The following NLGN1 variants were observed in gnomAD, a reference collection of about 807,000 sequenced individuals.
NLGN1 encodes neuroligin-1.
A neutral mutation model predicts 65.5 loss-of-function variants in NLGN1; 12 were observed. The ratio of observed to expected loss-of-function variants is 0.18; its 90% CI spans 0.12 to 0.30. The LOEUF is 0.30. Ranked by LOEUF, NLGN1 falls within the 10% of genes least tolerant of loss-of-function variation. The pLI, the probability that NLGN1 is intolerant of heterozygous loss-of-function variation, is 1.00. For missense variants in NLGN1, 750 were observed against 1,007.1 expected (o/e 0.74, Z 3.46); for synonymous variants, 350 against 359.5 (o/e 0.97, Z 0.30).
intron 4 of NLGN1, among the ~76,000 whole-genome samples, chr3:174,183,720 A>G (rs1730867767): frequency 1.3e-5 from 2 of 152,176 alleles, no homozygotes; most frequent in South Asian, 4.1e-4. Flanking sequence ...CATAATTTAA[A>G]CTGCCCTAAA....
intron 3 of NLGN1, among the ~76,000 whole-genome samples, chr3:173,710,466 C>G (rs1467215091): frequency 2.0e-5 from 3 of 152,044 alleles, no homozygotes; most frequent in African/African-American, 7.2e-5. Flanking sequence ...GTTTTAAATG[C>G]AACGTTTCTG....
chr3:173,767,236 A>G (rs1440106999), intron 3 of NLGN1, among the ~76,000 whole-genome samples: 1 of 152,134 alleles, frequency 6.6e-6, no homozygotes, highest in Non-Finnish European at 1.5e-5. Flanking sequence ...CAATGCTTTA[A>G]GTCTGAAGGG....
intron 2 of NLGN1, among the ~76,000 whole-genome samples, chr3:173,517,794 C>CTATCTATT (rs1553874126): frequency 0.014 from 2,138 of 151,592 alleles, 13 homozygotes; most frequent in Non-Finnish European, 0.018. Context: ...ATCTATCTAT[C>CTATCTATT]TATCTATCAT....
At chr3:173,891,497 C>A (rs1408943027) in intron 4 of NLGN1, among the ~76,000 whole-genome samples, 5 of 152,188 alleles carry the variant, frequency 3.3e-5, no homozygotes, top group African/African-American at 1.2e-4. Context: ...ATGCCCTTTG[C>A]CCAGTCTACC....
At chr3:173,673,070 A>G (rs1762664703) in intron 3 of NLGN1, among the ~76,000 whole-genome samples, 1 of 152,196 alleles carries the variant, frequency 6.6e-6, no homozygotes, top group Admixed American at 6.5e-5. Flanking sequence ...TAAGTACTAA[A>G]TGGAGACTTT....
chr3:173,999,184 C>G (rs1238293103), intron 4 of NLGN1, among the ~76,000 whole-genome samples: 1 of 152,076 alleles, frequency 6.6e-6, no homozygotes, highest in East Asian at 1.9e-4. Context: ...CTTAGAGCTA[C>G]AATTGAATAA....
At chr3:173,604,988 G>C in exon 3 of NLGN1, 1 of 1,613,654 alleles carries the variant, frequency 6.2e-7, no homozygotes, top group Non-Finnish European at 8.5e-7. Flanking sequence ...CAGAAGTCAT[G>C]CTTCCTGTGT....
chr3:173,726,952 A>T (rs75342474), intron 3 of NLGN1, among the ~76,000 whole-genome samples: 1 of 151,164 alleles, frequency 6.6e-6, no homozygotes, highest in Non-Finnish European at 1.5e-5. Context: ...AAAAAAAAAA[A>T]AGAAGAAGAA....
intron 4 of NLGN1, among the ~76,000 whole-genome samples, chr3:173,919,934 C>T (rs1741619707): frequency 6.6e-6 from 1 of 151,892 alleles, no homozygotes; most frequent in Non-Finnish European, 1.5e-5. Context: ...AACATGGATA[C>T]TGAAGAGCTT....
chr3:173,884,068 G>A (rs1733874646), intron 4 of NLGN1, among the ~76,000 whole-genome samples: 1 of 149,270 alleles, frequency 6.7e-6, no homozygotes. Flanking sequence ...TTTTTTAATC[G>A]AAAGAATCAT....
At chr3:174,211,971 G>A (rs962278737) in intron 4 of NLGN1, among the ~76,000 whole-genome samples, 12 of 152,158 alleles carry the variant, frequency 7.9e-5, no homozygotes, top group Non-Finnish European at 1.3e-4. Flanking sequence ...CCATGCGCTC[G>A]TACTCCTCAG....
At chr3:173,460,296 A>G (rs1044090543) in intron 2 of NLGN1, among the ~76,000 whole-genome samples, 2 of 152,178 alleles carry the variant, frequency 1.3e-5, no homozygotes, top group African/African-American at 2.4e-5. Context: ...AACATGCTTC[A>G]TAACTAATAC....
chr3:173,781,427 T>C (rs1191262085), intron 3 of NLGN1, among the ~76,000 whole-genome samples: 1 of 152,218 alleles, frequency 6.6e-6, no homozygotes, highest in Non-Finnish European at 1.5e-5. Flanking sequence ...TCTACCTAAT[T>C]CATTTTAGTA....
intron 3 of NLGN1, among the ~76,000 whole-genome samples, chr3:173,608,258 ATC>A (rs1322624927): frequency 6.6e-6 from 1 of 151,852 alleles, no homozygotes; most frequent in Non-Finnish European, 1.5e-5. Flanking sequence ...GTACTTTTTA[ATC>A]TGTTTTTTAA....
At position 173,463,132 on chromosome 3, in the gene NLGN1, A is replaced by G. The variant is rs112164780; in HGVS notation, c.-321+28054A>G. Among the ~76,000 whole-genome samples, 581 of 152,250 alleles carry G rather than the reference A, an allele frequency of 3.8e-3. 2 individuals carry two copies. The highest frequency in any genetic ancestry group is 0.012 in the African/African-American group (518 of 41,568). On this transcript the variant is annotated intron_variant, in intron 2 of 6. Transcript: ENST00000457714. The stretch of plus-strand genomic sequence containing the variant: ...TTTGTTTCCAGACTATGGGCTAGAG[A>G]TCAGTAGGGCATGCTAGGATGTATG...
At chr3:173,982,421 A>G (rs940729332) in intron 4 of NLGN1, among the ~76,000 whole-genome samples, 5 of 152,148 alleles carry the variant, frequency 3.3e-5, no homozygotes, top group Admixed American at 6.6e-5. Flanking sequence ...ACAGGAGGAA[A>G]CAATGGAACT....
chr3:173,872,694 A>T (rs1047293504), intron 4 of NLGN1, among the ~76,000 whole-genome samples: 1 of 152,092 alleles, frequency 6.6e-6, no homozygotes, highest in Non-Finnish European at 1.5e-5. Flanking sequence ...TTTCTTTCCC[A>T]CTGAGGTCCT....
At chr3:174,002,950 G>A (rs1579694648) in intron 4 of NLGN1, among the ~76,000 whole-genome samples, 1 of 152,192 alleles carries the variant, frequency 6.6e-6, no homozygotes, top group African/African-American at 2.4e-5. Flanking sequence ...AATTGTCAAT[G>A]CTTTAGCAGA....
chr3:173,571,261 G>A (rs1299699318), intron 2 of NLGN1, among the ~76,000 whole-genome samples: 1 of 152,164 alleles, frequency 6.6e-6, no homozygotes. Context: ...TGCCCTTCTT[G>A]TCTTGATTTT....
Sources: gnomAD v4.1 joint callset for allele counts (sites outside exome capture counted in the v4.1 genomes callset) on GRCh38, gnomAD v4.1.1 for gene constraint, MANE v1.5 for transcripts, NCBI Gene and HGNC (gene_info 2026-07-23, HGNC 2026-07-21) for gene names.